MIR2052HG: variants seen among roughly 807,000 people sequenced by gnomAD.
The protein encoded by MIR2052HG is MIR2052 host gene.
At chr8:74,662,487 C>T (rs1004200448) in intron 2 of MIR2052HG, among the ~76,000 whole-genome samples, 4 of 151,814 alleles carry the variant, frequency 2.6e-5, no homozygotes, top group East Asian at 1.9e-4. Flanking sequence ...CTAGTGCATG[C>T]GGGGCTTAAA....
intron 4 of MIR2052HG, among the ~76,000 whole-genome samples, chr8:74,724,244 C>A (rs1809611001): frequency 6.6e-6 from 1 of 151,568 alleles, no homozygotes; most frequent in Non-Finnish European, 1.5e-5. Context: ...AAGGCAGAAA[C>A]TTTAAAAAAA....
At chr8:74,629,732 G>A (rs1197448160) in intron 2 of MIR2052HG, among the ~76,000 whole-genome samples, 6 of 152,104 alleles carry the variant, frequency 3.9e-5, no homozygotes, top group South Asian at 4.1e-4. Flanking sequence ...CCAAAACAGC[G>A]TTGGCCAACC....
At chr8:74,723,995 G>A (rs954092284) in intron 4 of MIR2052HG, among the ~76,000 whole-genome samples, 6 of 151,960 alleles carry the variant, frequency 3.9e-5, no homozygotes, top group African/African-American at 1.5e-4. Flanking sequence ...AAACTTTCAG[G>A]GATATTTTAT....
chr8:74,652,917 T>C (rs1808768091), intron 2 of MIR2052HG, among the ~76,000 whole-genome samples: 1 of 152,182 alleles, frequency 6.6e-6, no homozygotes. Context: ...CCTGAGTGAT[T>C]GGCTGCTTCA....
chr8:74,665,249 G>A (rs548155726), intron 2 of MIR2052HG, among the ~76,000 whole-genome samples: 51 of 152,276 alleles, frequency 3.3e-4, no homozygotes, highest in African/African-American at 1.2e-3. Context: ...TCTTGCAAAA[G>A]TAACAACAGC....
intron 2 of MIR2052HG, among the ~76,000 whole-genome samples, chr8:74,683,771 A>T (rs1284682791): frequency 6.6e-6 from 1 of 151,956 alleles, no homozygotes; most frequent in Non-Finnish European, 1.5e-5. Flanking sequence ...TAATTATAGG[A>T]CTCCGATTGT....
chr8:74,651,009 C>T (rs1468330789), intron 2 of MIR2052HG, among the ~76,000 whole-genome samples: 1 of 152,136 alleles, frequency 6.6e-6, no homozygotes, highest in African/African-American at 2.4e-5. Context: ...TGTCATCTCT[C>T]ATATCTTGGA....
At chr8:74,667,803 T>C (rs1236153398) in intron 2 of MIR2052HG, among the ~76,000 whole-genome samples, 1 of 152,088 alleles carries the variant, frequency 6.6e-6, no homozygotes, top group Admixed American at 6.6e-5. Flanking sequence ...CCCTTGTGAT[T>C]GTGGCCTGAA....
At chr8:74,699,002 A>C (rs191680220) in intron 2 of MIR2052HG, among the ~76,000 whole-genome samples, 2 of 152,336 alleles carry the variant, frequency 1.3e-5, no homozygotes, top group African/African-American at 4.8e-5. Flanking sequence ...CAAACATATG[A>C]AAGAATGGTC....
At chr8:74,687,133 A>T (rs1484202462) in intron 2 of MIR2052HG, among the ~76,000 whole-genome samples, 3 of 152,158 alleles carry the variant, frequency 2.0e-5, no homozygotes, top group Non-Finnish European at 2.9e-5. Context: ...CAATGCAATC[A>T]AAACTATGAG....
At chr8:74,665,323 A>G (rs1394891480) in intron 2 of MIR2052HG, among the ~76,000 whole-genome samples, 1 of 152,240 alleles carries the variant, frequency 6.6e-6, no homozygotes, top group East Asian at 1.9e-4. Context: ...CCTCAAGTCA[A>G]TGACACACAG....
At chr8:74,735,713 TA>T (rs1428642049) in intron 4 of MIR2052HG, among the ~76,000 whole-genome samples, 1 of 152,222 alleles carries the variant, frequency 6.6e-6, no homozygotes, top group Non-Finnish European at 1.5e-5. Context: ...TGACTTATTT[TA>T]CTAAAAGTTC....
intron 4 of MIR2052HG, among the ~76,000 whole-genome samples, chr8:74,715,396 C>A (rs947017308): frequency 2.6e-5 from 4 of 152,140 alleles, no homozygotes; most frequent in African/African-American, 9.7e-5. Flanking sequence ...ACAAAAGTAC[C>A]TTCTGCCTAA....
chr8:74,672,731 A>G (rs1349166905), intron 2 of MIR2052HG, among the ~76,000 whole-genome samples: 2 of 152,088 alleles, frequency 1.3e-5, no homozygotes, highest in Non-Finnish European at 2.9e-5. Flanking sequence ...TTACTTTAAT[A>G]TCTGCTGAAT....
chr8:74,603,316 G>A (rs1263262582), intron 1 of MIR2052HG: 28 of 1,604,310 alleles, frequency 1.7e-5, no homozygotes, highest in Non-Finnish European at 2.4e-5. Context: ...ACCCGTCTCC[G>A]AGGAAAGCCT....
intron 2 of MIR2052HG, among the ~76,000 whole-genome samples, chr8:74,681,801 T>C (rs1809128052): frequency 6.6e-6 from 1 of 152,204 alleles, no homozygotes; most frequent in African/African-American, 2.4e-5. Flanking sequence ...GTTCTATTTA[T>C]AAGTTACTTA....
chr8:74,689,750 A>G (rs916157771), intron 2 of MIR2052HG, among the ~76,000 whole-genome samples: 3 of 152,244 alleles, frequency 2.0e-5, no homozygotes, highest in African/African-American at 7.2e-5. Context: ...GAATGCAATG[A>G]TATCTATAAT....
chr8:74,713,337 A>G (rs1809488883), intron 4 of MIR2052HG, among the ~76,000 whole-genome samples: 2 of 152,152 alleles, frequency 1.3e-5, no homozygotes, highest in Non-Finnish European at 2.9e-5. Context: ...AGTCTAAGCC[A>G]CTTCCTACAG....
chr8:74,687,489 A>G (rs1181162092), intron 2 of MIR2052HG, among the ~76,000 whole-genome samples: 1 of 152,160 alleles, frequency 6.6e-6, no homozygotes, highest in Non-Finnish European at 1.5e-5. Context: ...TGTGGTATAT[A>G]CATACAATGG....
Sources: gnomAD v4.1 joint callset for allele counts (sites outside exome capture counted in the v4.1 genomes callset) on GRCh38, gnomAD v4.1.1 for gene constraint, MANE v1.5 for transcripts, NCBI Gene and HGNC (gene_info 2026-07-23, HGNC 2026-07-21) for gene names.